The following ZNF638 variants were observed in gnomAD, a reference collection of about 807,000 sequenced individuals.
ZNF638 encodes the protein zinc finger protein 638.
In ZNF638, 46 loss-of-function variants were observed where a neutral mutation model predicts 195.6. That is an observed-to-expected ratio of 0.24 (90% CI 0.19 to 0.30). The LOEUF is 0.30. Ranked by LOEUF, ZNF638 falls within the 10% of genes least tolerant of loss-of-function variation. ZNF638 has a pLI of 1.00. For synonymous variants in ZNF638, 845 were observed against 772.0 expected (o/e 1.09, Z -1.57); for missense variants, 2,440 against 2,325.3 (o/e 1.05, Z -1.01).
At chr2:71,357,499 AGGTACCCAGT>A (rs1287769363) in intron 3 of ZNF638, among the ~76,000 whole-genome samples, 1 of 152,202 alleles carries the variant, frequency 6.6e-6, no homozygotes, top group Non-Finnish European at 1.5e-5. Flanking sequence ...ATTTTCCCAG[AGGTACCCAGT>A]GGGATGTCTT....
intron 2 of ZNF638, 40 bp downstream of exon 2, chr2:71,350,311 C>G (rs1360579268): frequency 2.6e-6 from 4 of 1,558,124 alleles, no homozygotes; most frequent in Non-Finnish European, 1.7e-6. Context: ...TAATGATGCT[C>G]AGCGCCAGTT....
chr2:71,397,896 A>T (rs1474200725), intron 11 of ZNF638, among the ~76,000 whole-genome samples: 1 of 152,196 alleles, frequency 6.6e-6, no homozygotes, highest in Non-Finnish European at 1.5e-5. Flanking sequence ...TACAGCTAGG[A>T]AACTGTAGGA....
intron 26 of ZNF638, among the ~76,000 whole-genome samples, chr2:71,432,718 T>C (rs1178660352): frequency 1.3e-5 from 2 of 152,244 alleles, no homozygotes; most frequent in Non-Finnish European, 2.9e-5. Flanking sequence ...ATTACTACTA[T>C]TGATCCCTAA....
chr2:71,424,177 T>A, intron 22 of ZNF638, 139 bp downstream of exon 22: 1 of 1,154,780 alleles, frequency 8.7e-7, no homozygotes, highest in Non-Finnish European at 1.2e-6. Flanking sequence ...TTCCTTTTCT[T>A]AAATGATTCC....
intron 7 of ZNF638, among the ~76,000 whole-genome samples, chr2:71,369,212 A>G (rs757944655): frequency 1.3e-5 from 2 of 151,676 alleles, no homozygotes; most frequent in East Asian, 3.9e-4. Flanking sequence ...AATCCCACCT[A>G]CGTGGGAGGT....
rs372996809 is a variant in ZNF638 at position 71,426,429 on chromosome 2, T to C, written c.4591-31T>C. ...ATCTAGCCAGTGGTCAAAATTTGTT[T>C]ACAATACTATGATTTTTAACTTTCC... On this transcript the variant is annotated intron_variant, in intron 23 of 27. Coordinates refer to ENST00000264447, the MANE Select transcript of ZNF638 (RefSeq NM_014497.5). 19 of 1,505,738 alleles carry C rather than the reference T, an allele frequency of 1.3e-5. No individual in the cohort carries two copies. In the African/African-American group the frequency reaches 2.5e-4, roughly 20 times the overall value. The allele number at this position is 1,505,738 out of a possible 1,614,324, so 93.3% of individuals were successfully genotyped here.
intron 8 of ZNF638, among the ~76,000 whole-genome samples, chr2:71,370,889 A>G (rs2079298190): frequency 6.6e-6 from 1 of 152,078 alleles, no homozygotes; most frequent in South Asian, 2.1e-4. Context: ...ATTTTTTACT[A>G]TAGTCACTCT....
rs116840502 is a variant in ZNF638 at position 71,336,565 on chromosome 2, T to G, written c.-203+4690T>G. The stretch of plus-strand genomic sequence containing the variant: ...ACCTATTAAGCATTTTGTTTACTGT[T>G]GAGCATTTTTTGAGCACCTGTTGCA... On this transcript the variant is annotated intron_variant, in intron 1 of 27. Transcript: ENST00000264447. Among the ~76,000 whole-genome samples, 776 of 152,314 alleles carry G rather than the reference T, an allele frequency of 5.1e-3. 4 individuals carry two copies. Among genetic ancestry groups the G allele is most frequent in the African/African-American group, 0.018 (747 of 41,568 alleles).
intron 20 of ZNF638, among the ~76,000 whole-genome samples, chr2:71,411,553 C>A: frequency 8.6e-6 from 1 of 116,864 alleles, no homozygotes. Flanking sequence ...TATACATGTG[C>A]CATGCTGGTG....
At chr2:71,371,578 T>C (rs1296357303) in intron 8 of ZNF638, among the ~76,000 whole-genome samples, 1 of 152,228 alleles carries the variant, frequency 6.6e-6, no homozygotes, top group Non-Finnish European at 1.5e-5. Flanking sequence ...TAGTTTTGAT[T>C]TGCATTTCTG....
chr2:71,424,729 C>A lies in ZNF638; in HGVS notation c.4590+14C>A. The A allele has an allele frequency of 6.2e-7, 1 of 1,602,468 alleles. No individual in the cohort carries two copies. Among genetic ancestry groups the A allele is most frequent in the Non-Finnish European group, 8.5e-7 (1 of 1,170,768 alleles). On this transcript the variant is annotated intron_variant, in intron 23 of 27. Coordinates refer to ENST00000264447, the MANE Select transcript of ZNF638 (RefSeq NM_014497.5). ...AAATCTAAAGAGGTAAAAAATAGAT[C>A]ACAGACCCTAACCCTTCTTTTTCAT... is the stretch of plus-strand genomic sequence containing the variant.
In ZNF638 at chr2:71,398,749, G is replaced by A; in HGVS notation, c.2477G>A (p.Gly826Asp). The change falls in exon 12 of 28, where the codon GGT becomes GAT. Residue 826 changes from glycine to aspartate, a missense_variant. Around this residue, in one of 5 missense-constraint regions of ZNF638, gnomAD observed 1,883 missense variants for 1,739.1 expected, o/e 1.08. Coordinates refer to ENST00000264447, the MANE Select transcript of ZNF638 (RefSeq NM_014497.5). ...VKSVVTVAVKGNKASIKTAKS... is the reference protein window; with the variant it reads ...VKSVVTVAVKDNKASIKTAKS... ...TCTGTGGTAACGGTAGCTGTTAAAG[G>A]TAATAAAGCTTCAATCAAAACAGGT... 1 of 1,613,180 alleles carries A rather than the reference G, an allele frequency of 6.2e-7. No individual in the cohort carries two copies. The highest frequency in any genetic ancestry group is 8.5e-7 in the Non-Finnish European group (1 of 1,179,400).
rs2079625852 is a variant in ZNF638, at chr2:71,385,825, ATTT to A, written c.2377+5264_2377+5266del. On this transcript the variant is annotated intron_variant, in intron 10 of 27. Transcript: ENST00000264447. The stretch of plus-strand genomic sequence containing the variant: ...ATTATCTCAAAAGTGAAAGTTAAAT[ATTT>A]TTTAATTGCTGACAGCTTTCATAAA... Among the ~76,000 whole-genome samples the A allele has an allele frequency of 2.0e-5, 3 of 152,298 alleles. No individual in the cohort carries two copies. The South Asian group carries it at 6.2e-4, about 32-fold the overall frequency.
intron 2 of ZNF638, among the ~76,000 whole-genome samples, chr2:71,355,021 T>C (rs2079001376): frequency 6.6e-6 from 1 of 152,082 alleles, no homozygotes; most frequent in Non-Finnish European, 1.5e-5. Flanking sequence ...CAGGCTGGAG[T>C]GCAGTGGCGC....
chr2:71,372,691 A>T (rs1425771242), intron 8 of ZNF638, among the ~76,000 whole-genome samples: 1 of 152,134 alleles, frequency 6.6e-6, no homozygotes, highest in Admixed American at 6.5e-5. Flanking sequence ...TGGGGATGGG[A>T]TGAACAGTGT....
intron 6 of ZNF638, 131 bp downstream of exon 6, chr2:71,365,837 A>AAG: frequency 2.2e-6 from 2 of 908,440 alleles, no homozygotes; most frequent in Non-Finnish European, 3.3e-6. Flanking sequence ...CTCCTGCCTC[A>AAG]TCTTCCCAAG....
intron 17 of ZNF638, 45 bp downstream of exon 17, chr2:71,404,043 A>G: frequency 1.9e-6 from 3 of 1,567,100 alleles, no homozygotes; most frequent in South Asian, 1.2e-5. Flanking sequence ...AAGTTTTTAA[A>G]TCAGATTTGT....
chr2:71,336,499 A>G (rs1194387189), intron 1 of ZNF638, among the ~76,000 whole-genome samples: 2 of 152,180 alleles, frequency 1.3e-5, no homozygotes, highest in Non-Finnish European at 2.9e-5. Flanking sequence ...TATGTCTAAT[A>G]TAATTTTCAA....
chr2:71,347,732 AG>A (rs1173247561), intron 1 of ZNF638, among the ~76,000 whole-genome samples: 1 of 152,290 alleles, frequency 6.6e-6, no homozygotes, highest in African/African-American at 2.4e-5. Context: ...AGAGTGTTGA[AG>A]GGGGTAGTAC....
Sources: allele counts gnomAD v4.1 joint callset (sites outside exome capture counted in the v4.1 genomes callset), GRCh38; gene constraint gnomAD v4.1.1; regional missense constraint gnomAD v4.1.1; transcripts MANE v1.5; gene names NCBI Gene and HGNC (gene_info 2026-07-23, HGNC 2026-07-21).